The following UNC13C variants were observed in gnomAD, a reference collection of about 807,000 sequenced individuals.
The protein encoded by UNC13C is protein unc-13 homolog C.
UNC13C carries 174 observed loss-of-function variants against 245.4 expected under a neutral mutation model. The observed-to-expected ratio is 0.71, with a 90% confidence interval of 0.63 to 0.80. The LOEUF is 0.80. Among genes scored for constraint, UNC13C ranks in the 30% least tolerant of loss-of-function variants. The pLI is 0.00. For missense variants in UNC13C, 2,829 were observed against 2,602.9 expected (o/e 1.09, Z -1.89); for synonymous variants, 992 against 895.1 (o/e 1.11, Z -1.93).
At chr15:54,175,125 A>G (rs2033562147) in intron 4 of UNC13C, among the ~76,000 whole-genome samples, 1 of 152,090 alleles carries the variant, frequency 6.6e-6, no homozygotes, top group African/African-American at 2.4e-5. Context: ...ACAGGGGCAT[A>G]TTTCCTTTCC....
chr15:53,915,282 A>T, the UNC13C span, among the ~76,000 whole-genome samples: 7 of 152,206 alleles, frequency 4.6e-5, no homozygotes, highest in African/African-American at 7.2e-5. Flanking sequence ...GGTGGAAGGA[A>T]CTTGTATAGG....
chr15:53,867,625 G>A, the UNC13C span, among the ~76,000 whole-genome samples: 2 of 152,114 alleles, frequency 1.3e-5, no homozygotes, highest in South Asian at 2.1e-4. Context: ...AGGATTGCGG[G>A]GGCAGGGAAC....
At chr15:54,018,055 C>G (rs1221254937) in intron 2 of UNC13C, among the ~76,000 whole-genome samples, 1 of 152,106 alleles carries the variant, frequency 6.6e-6, no homozygotes, top group Non-Finnish European at 1.5e-5. Context: ...GCTATCTCTG[C>G]TCCCCTTGGC....
intron 17 of UNC13C, among the ~76,000 whole-genome samples, chr15:54,340,268 T>C (rs1024917989): frequency 2.0e-5 from 3 of 152,232 alleles, no homozygotes; most frequent in Non-Finnish European, 4.4e-5. Flanking sequence ...CCTTTTGCTG[T>C]GCAGAAGCTC....
chr15:53,950,032 T>C, the UNC13C span, among the ~76,000 whole-genome samples: 2 of 152,122 alleles, frequency 1.3e-5, no homozygotes, highest in African/African-American at 4.8e-5. Context: ...CAGAAATATA[T>C]CTAGACAAAC....
intron 19 of UNC13C, among the ~76,000 whole-genome samples, chr15:54,472,073 C>A (rs1170516471): frequency 6.6e-6 from 1 of 151,706 alleles, no homozygotes; most frequent in Non-Finnish European, 1.5e-5. Context: ...GGTTTCATGG[C>A]TTTCTGTAAT....
intron 2 of UNC13C, among the ~76,000 whole-genome samples, chr15:54,089,197 T>G (rs1899420763): frequency 6.6e-6 from 1 of 152,096 alleles, no homozygotes; most frequent in South Asian, 2.1e-4. Flanking sequence ...TAACATGGAG[T>G]TAATGGTATC....
At chr15:54,522,095 G>C (rs1276235167) in intron 24 of UNC13C, among the ~76,000 whole-genome samples, 1 of 152,168 alleles carries the variant, frequency 6.6e-6, no homozygotes, top group Non-Finnish European at 1.5e-5. Flanking sequence ...TTTGCAAAAG[G>C]AGATAAGTGA....
At chr15:54,331,551 T>G (rs2038436556) in intron 14 of UNC13C, among the ~76,000 whole-genome samples, 1 of 152,098 alleles carries the variant, frequency 6.6e-6, no homozygotes. Flanking sequence ...AGAAAATATT[T>G]TTTCCAATTG....
intron 19 of UNC13C, among the ~76,000 whole-genome samples, chr15:54,423,704 G>GAA (rs1299522286): frequency 6.6e-6 from 1 of 151,964 alleles, no homozygotes; most frequent in Non-Finnish European, 1.5e-5. Context: ...GGTATTGGCT[G>GAA]AAAACAAGGG....
At chr15:53,972,126 CAA>C in the UNC13C span, among the ~76,000 whole-genome samples, 2 of 151,970 alleles carry the variant, frequency 1.3e-5, no homozygotes, top group African/African-American at 4.8e-5. Context: ...ACAAAGTAAC[CAA>C]AGAGTTTGCT....
At chr15:54,393,583 G>A (rs2040008101) in intron 18 of UNC13C, among the ~76,000 whole-genome samples, 2 of 151,274 alleles carry the variant, frequency 1.3e-5, no homozygotes, top group Admixed American at 6.6e-5. Context: ...CAAAAAACCT[G>A]CTTTCAAAAT....
chr15:54,388,730 A>T (rs563055580), intron 17 of UNC13C, among the ~76,000 whole-genome samples: 1 of 151,932 alleles, frequency 6.6e-6, no homozygotes, highest in Non-Finnish European at 1.5e-5. Context: ...TGTTTTTTAG[A>T]CTTTTTCTCC....
chr15:54,170,936 T>C (rs1374312585), intron 4 of UNC13C, among the ~76,000 whole-genome samples: 1 of 152,132 alleles, frequency 6.6e-6, no homozygotes, highest in African/African-American at 2.4e-5. Context: ...TAAAATGGAA[T>C]TGAGGGGGTT....
rs375769867 is a variant in UNC13C at position 54,015,673 on chromosome 15, G to A, written c.2770G>A (p.Gly924Ser). The change falls in exon 2 of 33, where the codon GGT becomes AGT. Residue 924 changes from glycine (G) to serine (S), a missense_variant. Physicochemically the swap from Gly to Ser is moderately conservative, Grantham distance 56. Transcript: ENST00000260323. Reference protein sequence around the residue: ...YETPQDEGYDGPADDMVSEEG... With the variant: ...YETPQDEGYDSPADDMVSEEG... ...AACCCCACAAGATGAGGGTTATGAT[G>A]GTCCAGCAGATGATATGGTTAGTGA... is the stretch of plus-strand genomic sequence containing the variant. 6.2e-7 allele frequency: 1 copy of A among 1,613,618 alleles called. No individual in the cohort carries two copies. Among genetic ancestry groups the A allele is most frequent in the Non-Finnish European group, 8.5e-7 (1 of 1,179,696 alleles).
At chr15:54,137,704 A>G (rs1244581743) in intron 2 of UNC13C, among the ~76,000 whole-genome samples, 2 of 148,550 alleles carry the variant, frequency 1.3e-5, no homozygotes, top group Non-Finnish European at 3.0e-5. Flanking sequence ...TATTTGATCC[A>G]TTTCCCTTAT....
At chr15:54,020,162 T>G (rs1194823145) in intron 2 of UNC13C, among the ~76,000 whole-genome samples, 1 of 152,166 alleles carries the variant, frequency 6.6e-6, no homozygotes, top group Non-Finnish European at 1.5e-5. Flanking sequence ...AGAGCACTAC[T>G]AAAAGCTATG....
At chr15:54,584,066 T>C (rs567750427) in intron 30 of UNC13C, among the ~76,000 whole-genome samples, 11 of 152,186 alleles carry the variant, frequency 7.2e-5, no homozygotes, top group Non-Finnish European at 1.2e-4. Context: ...TCCTGCGTTT[T>C]GGTTTCACCT....
intron 29 of UNC13C, among the ~76,000 whole-genome samples, chr15:54,558,230 T>C (rs1212271511): frequency 6.6e-6 from 1 of 152,076 alleles, no homozygotes; most frequent in Non-Finnish European, 1.5e-5. Flanking sequence ...TGTGCACATG[T>C]ACCCTAAAAC....
Sources: gnomAD v4.1 joint callset for allele counts (sites outside exome capture counted in the v4.1 genomes callset) on GRCh38, gnomAD v4.1.1 for gene constraint, MANE v1.5 for transcripts, NCBI Gene and HGNC (gene_info 2026-07-23, HGNC 2026-07-21) for gene names.